Variants in BCAR3 observed in about 807,000 individuals in gnomAD.
BCAR3 encodes BCAR3 adaptor protein, NSP family member.
In BCAR3, 37 loss-of-function variants were observed where a neutral mutation model predicts 80.1. The ratio of observed to expected loss-of-function variants is 0.46; its 90% CI spans 0.36 to 0.61. The LOEUF is 0.61. Among genes scored for constraint, BCAR3 ranks in the 20% least tolerant of loss-of-function variants. BCAR3 has a pLI of 0.00. For missense variants in BCAR3, 978 were observed against 1,068.2 expected (o/e 0.92, Z 1.18); for synonymous variants, 389 against 418.9 (o/e 0.93, Z 0.87).
At chr1:93,657,503 G>A (rs192089162) in intron 2 of BCAR3, among the ~76,000 whole-genome samples, 3 of 152,220 alleles carry the variant, frequency 2.0e-5, no homozygotes, top group Non-Finnish European at 4.4e-5. Context: ...TATCACATGA[G>A]TAGGTATGAA....
At chr1:93,845,098 G>A (rs1372194570) in intron 2 of BCAR3, among the ~76,000 whole-genome samples, 1 of 151,946 alleles carries the variant, frequency 6.6e-6, no homozygotes, top group Non-Finnish European at 1.5e-5. Context: ...TTAGCACATT[G>A]TTTCTTTCCC....
chr1:93,774,851 T>G (rs1014166292), intron 2 of BCAR3, among the ~76,000 whole-genome samples: 1 of 152,204 alleles, frequency 6.6e-6, no homozygotes, highest in Non-Finnish European at 1.5e-5. Context: ...CCTCTCTTCC[T>G]TGCCAGGGAA....
chr1:93,765,551 G>T (rs9651128), intron 2 of BCAR3, among the ~76,000 whole-genome samples: 2 of 151,918 alleles, frequency 1.3e-5, no homozygotes, highest in Non-Finnish European at 2.9e-5. Flanking sequence ...TGAAACCATC[G>T]ACACCATTCA....
At chr1:93,698,640 C>T (rs1049968833) in intron 3 of BCAR3, among the ~76,000 whole-genome samples, 1 of 152,126 alleles carries the variant, frequency 6.6e-6, no homozygotes, top group Non-Finnish European at 1.5e-5. Flanking sequence ...ACAACCCATT[C>T]CTGAGTGGGG....
chr1:93,802,590 T>C (rs1653520581), intron 2 of BCAR3, among the ~76,000 whole-genome samples: 2 of 152,284 alleles, frequency 1.3e-5, no homozygotes, highest in Admixed American at 1.3e-4. Flanking sequence ...TTTTCTCTAA[T>C]GCATGCTGTC....
chr1:93,666,007 ACGCTAGTG>A (rs1647891901), intron 2 of BCAR3, among the ~76,000 whole-genome samples: 1 of 151,814 alleles, frequency 6.6e-6, no homozygotes, highest in Admixed American at 6.6e-5. Context: ...CTCTACCACC[ACGCTAGTG>A]CAGAACCCCA....
intron 2 of BCAR3, among the ~76,000 whole-genome samples, chr1:93,814,046 C>A (rs763501148): frequency 2.8e-4 from 42 of 152,148 alleles, no homozygotes; most frequent in Non-Finnish European, 5.6e-4. Context: ...ACAGGAAAAT[C>A]ACAGAATTGA....
chr1:93,671,841 G>A (rs900253332), intron 2 of BCAR3, among the ~76,000 whole-genome samples: 1 of 151,726 alleles, frequency 6.6e-6, no homozygotes, highest in Non-Finnish European at 1.5e-5. Flanking sequence ...AAGAATATAA[G>A]GTATTTTGTA....
intron 8 of BCAR3, among the ~76,000 whole-genome samples, chr1:93,573,603 T>A (rs1673311887): frequency 6.9e-6 from 1 of 144,166 alleles, no homozygotes; most frequent in Non-Finnish European, 1.5e-5. Context: ...AGACCTAAAA[T>A]ATATTTTTAT....
chr1:93,661,366 C>A (rs1052315974), intron 2 of BCAR3, among the ~76,000 whole-genome samples: 5 of 151,776 alleles, frequency 3.3e-5, no homozygotes, highest in African/African-American at 1.2e-4. Context: ...TTAGTAGAGA[C>A]GGTATGGGTT....
chr1:93,582,204 C>T, intron 7 of BCAR3, 97 bp downstream of exon 7: 1 of 1,464,972 alleles, frequency 6.8e-7, no homozygotes, highest in Non-Finnish European at 9.1e-7. Flanking sequence ...GATGGATCCC[C>T]TCCTTCCAAA....
intron 2 of BCAR3, among the ~76,000 whole-genome samples, chr1:93,665,031 G>C (rs1337573182): frequency 6.7e-6 from 1 of 149,320 alleles, no homozygotes; most frequent in Non-Finnish European, 1.5e-5. Flanking sequence ...TTGAGATAAT[G>C]TCCTCAAGCC....
intron 2 of BCAR3, among the ~76,000 whole-genome samples, chr1:93,728,434 G>A (rs544014945): frequency 6.6e-6 from 1 of 152,324 alleles, no homozygotes; most frequent in African/African-American, 2.4e-5. Context: ...GTGTTAACCA[G>A]TTCAATTAGA....
intron 3 of BCAR3, among the ~76,000 whole-genome samples, chr1:93,619,293 G>A (rs984712434): frequency 6.6e-6 from 1 of 151,960 alleles, no homozygotes; most frequent in African/African-American, 2.4e-5. Context: ...TGGAAAAGAG[G>A]GATGAGGAAG....
chr1:93,702,810 C>A (rs1368173249), intron 3 of BCAR3, among the ~76,000 whole-genome samples: 2 of 152,202 alleles, frequency 1.3e-5, no homozygotes, highest in Non-Finnish European at 2.9e-5. Flanking sequence ...AGACGACTTG[C>A]TCCTACCTTG....
At chr1:93,619,524 TCTCAGCTC>T (rs1296889012) in intron 3 of BCAR3, among the ~76,000 whole-genome samples, 1 of 152,268 alleles carries the variant, frequency 6.6e-6, no homozygotes, top group Non-Finnish European at 1.5e-5. Context: ...TCTCCTGCCA[TCTCAGCTC>T]CTGGGTTTTC....
At chr1:93,691,727 A>C (rs1649197394) in intron 3 of BCAR3, among the ~76,000 whole-genome samples, 1 of 152,188 alleles carries the variant, frequency 6.6e-6, no homozygotes, top group Admixed American at 6.5e-5. Context: ...TTTCAGGCTC[A>C]GTCAATCCCT....
chr1:93,818,371 C>T (rs1654090647), intron 2 of BCAR3, among the ~76,000 whole-genome samples: 1 of 152,210 alleles, frequency 6.6e-6, no homozygotes, highest in African/African-American at 2.4e-5. Context: ...GGGCCTTCCT[C>T]TTCTGCCTGC....
chr1:93,804,497 T>A (rs1177222391), intron 2 of BCAR3, among the ~76,000 whole-genome samples: 1 of 152,182 alleles, frequency 6.6e-6, no homozygotes, highest in Admixed American at 6.5e-5. Flanking sequence ...AGTACTGTGA[T>A]ACCATGAGGG....
Sources: allele counts gnomAD v4.1 joint callset (sites outside exome capture counted in the v4.1 genomes callset), GRCh38; gene constraint gnomAD v4.1.1; transcripts MANE v1.5; gene names NCBI Gene and HGNC (gene_info 2026-07-23, HGNC 2026-07-21).